SUGCT: variants seen among roughly 807,000 people sequenced by gnomAD.
The protein encoded by SUGCT is succinyl-CoA:glutarate-CoA transferase.
Under a neutral mutation model 55.0 loss-of-function variants are expected in SUGCT, and 41 were observed. That is an observed-to-expected ratio of 0.74 (90% CI 0.58 to 0.97). SUGCT has a LOEUF of 0.97. SUGCT is among the 50% of genes least tolerant of loss of function. The probability of loss-of-function intolerance (pLI) is 0.00; values close to 1 mark genes in which losing one functional copy is unlikely to be tolerated. For missense variants in SUGCT, 568 were observed against 547.8 expected (o/e 1.04, Z -0.37); for synonymous variants, 187 against 200.4 (o/e 0.93, Z 0.56).
chr7:40,280,372 G>A (rs1381955067), intron 8 of SUGCT, among the ~76,000 whole-genome samples: 1 of 152,102 alleles, frequency 6.6e-6, no homozygotes, highest in Non-Finnish European at 1.5e-5. Context: ...ACAAGGAAGC[G>A]GGTTTGGATG....
At chr7:40,185,448 C>G (rs560103058) in intron 3 of SUGCT, among the ~76,000 whole-genome samples, 1 of 152,234 alleles carries the variant, frequency 6.6e-6, no homozygotes, top group Non-Finnish European at 1.5e-5. Flanking sequence ...CACAACAGAT[C>G]TTTCTTTGTC....
chr7:40,168,876 A>G (rs1043469979), intron 1 of SUGCT, among the ~76,000 whole-genome samples: 16 of 152,062 alleles, frequency 1.1e-4, no homozygotes, highest in African/African-American at 7.2e-5. Flanking sequence ...AGCATTTCTA[A>G]TGGATGGTCC....
At chr7:40,246,599 C>CTT (rs113716606) in intron 7 of SUGCT, among the ~76,000 whole-genome samples, 3 of 137,322 alleles carry the variant, frequency 2.2e-5, no homozygotes, top group East Asian at 2.1e-4. Flanking sequence ...TGAAGGCTTG[C>CTT]TTTTTTTTTT....
intron 1 of SUGCT, among the ~76,000 whole-genome samples, chr7:40,173,888 A>G (rs1235063021): frequency 6.8e-6 from 1 of 148,086 alleles, no homozygotes; most frequent in African/African-American, 2.5e-5. Flanking sequence ...TTTGTATAAC[A>G]TAATTTATTT....
chr7:40,447,574 G>A (rs1788910990), intron 9 of SUGCT, among the ~76,000 whole-genome samples: 1 of 152,148 alleles, frequency 6.6e-6, no homozygotes, highest in South Asian at 2.1e-4. Flanking sequence ...CATTATAGAA[G>A]AAGGGAACAA....
chr7:40,967,359 A>T, the SUGCT span: 1 of 152,222 alleles, frequency 6.6e-6, no homozygotes, highest in Admixed American at 6.5e-5. Context: ...TTCATGTGTA[A>T]GTAATGAGAA....
the SUGCT span, among the ~76,000 whole-genome samples, chr7:40,923,763 A>G: frequency 1.4e-4 from 22 of 152,212 alleles, no homozygotes; most frequent in East Asian, 3.9e-4. Flanking sequence ...TGCTTTTCTA[A>G]ATGAGTGCTT....
intron 12 of SUGCT, among the ~76,000 whole-genome samples, chr7:40,685,544 G>T (rs1784427949): frequency 6.6e-6 from 1 of 152,186 alleles, no homozygotes; most frequent in Non-Finnish European, 1.5e-5. Context: ...TCGGCCAGAT[G>T]CCAGTCCTAT....
chr7:40,232,301 C>T (rs947095394), intron 6 of SUGCT, among the ~76,000 whole-genome samples: 23 of 152,142 alleles, frequency 1.5e-4, no homozygotes, highest in African/African-American at 5.6e-4. Context: ...AGATCCCTGT[C>T]GGGAGAGTTG....
intron 12 of SUGCT, among the ~76,000 whole-genome samples, chr7:40,721,678 A>G (rs1193363449): frequency 6.6e-6 from 1 of 152,194 alleles, no homozygotes; most frequent in South Asian, 2.1e-4. Flanking sequence ...AGAACATTCC[A>G]TAATTGACCA....
chr7:40,917,397 T>G, the SUGCT span, among the ~76,000 whole-genome samples: 57 of 152,172 alleles, frequency 3.7e-4, no homozygotes, highest in African/African-American at 1.4e-3. Flanking sequence ...TTCCTCAAAT[T>G]TAGAGGCTCA....
intron 6 of SUGCT, among the ~76,000 whole-genome samples, chr7:40,207,603 T>C (rs2329695): frequency 0.58 from 87,526 of 151,916 alleles, 27,177 homozygotes; most frequent in African/African-American, 0.82. Flanking sequence ...GGTCACTCGA[T>C]GCCAGAAGTT....
the SUGCT span, among the ~76,000 whole-genome samples, chr7:40,963,447 A>C: frequency 6.6e-6 from 1 of 152,188 alleles, no homozygotes; most frequent in Non-Finnish European, 1.5e-5. Context: ...ACATCTATTT[A>C]TTCTCTGCTT....
chr7:40,397,166 T>C (rs1433417930), intron 9 of SUGCT, among the ~76,000 whole-genome samples: 1 of 152,218 alleles, frequency 6.6e-6, no homozygotes, highest in Non-Finnish European at 1.5e-5. Flanking sequence ...CTGTGATGTG[T>C]ACATTATGCT....
At chr7:40,539,291 A>T (rs1057444201) in intron 12 of SUGCT, 3 of 152,140 alleles carry the variant, frequency 2.0e-5, no homozygotes, top group South Asian at 2.1e-4. Flanking sequence ...CTGACTCGTC[A>T]TTGAGATTGT....
chr7:40,586,490 T>A (rs953904103), intron 12 of SUGCT, among the ~76,000 whole-genome samples: 4 of 152,174 alleles, frequency 2.6e-5, no homozygotes, highest in African/African-American at 9.7e-5. Flanking sequence ...GAAGTCCTCC[T>A]GGAGGAAGAG....
chr7:40,164,978 A>G (rs954180401), intron 1 of SUGCT, among the ~76,000 whole-genome samples: 3 of 152,164 alleles, frequency 2.0e-5, no homozygotes, highest in Admixed American at 1.3e-4. Context: ...TTTCCTATCA[A>G]ACTAGGTTGT....
chr7:40,838,929 C>T (rs1380967097), intron 13 of SUGCT, among the ~76,000 whole-genome samples: 3 of 141,724 alleles, frequency 2.1e-5, no homozygotes, highest in Non-Finnish European at 4.6e-5. Context: ...GCCCTCTATT[C>T]TTCCTTTGGT....
Position 40,464,302 on chromosome 7 carries a change from AGAAAG to A in SUGCT, c.986+5105_986+5109del, listed in dbSNP as rs575425878. Among the ~76,000 whole-genome samples the A allele has an allele frequency of 8.3e-4, 127 of 152,336 alleles. 2 individuals are homozygous for A. The highest frequency in any genetic ancestry group is 6.8e-3 in the Middle Eastern group (2 of 294). ...ATGGTCTAATTAGGAAAATAAACAC[AGAAAG>A]CATTGATTTAAGTAGAGTGTGGGAA... On this transcript the variant is annotated intron_variant, in intron 11 of 13. Coordinates refer to ENST00000335693, the MANE Select transcript of SUGCT (RefSeq NM_001193313.2).
Sources: gnomAD v4.1 joint callset for allele counts (sites outside exome capture counted in the v4.1 genomes callset) on GRCh38, gnomAD v4.1.1 for gene constraint, MANE v1.5 for transcripts, NCBI Gene and HGNC (gene_info 2026-07-23, HGNC 2026-07-21) for gene names.